The following ADGRB3 variants were observed in gnomAD, a reference collection of about 807,000 sequenced individuals.
ADGRB3 encodes the protein adhesion G protein-coupled receptor B3.
Under a neutral mutation model 193.4 loss-of-function variants are expected in ADGRB3, and 37 were observed. The ratio of observed to expected loss-of-function variants is 0.19; its 90% CI spans 0.15 to 0.25. The LOEUF is 0.25. Ranked by LOEUF, ADGRB3 falls within the 10% of genes least tolerant of loss-of-function variation. The probability of loss-of-function intolerance (pLI) is 1.00; values close to 1 mark genes in which losing one functional copy is unlikely to be tolerated. For missense variants in ADGRB3, 1,637 were observed against 1,852.9 expected, an observed-to-expected ratio of 0.88 and a Z score of 2.14; for synonymous variants, 690 against 644.2, an observed-to-expected ratio of 1.07 and a Z score of -1.08.
intron 20 of ADGRB3, among the ~76,000 whole-genome samples, chr6:69,255,611 C>T (rs545424238): frequency 1.3e-5 from 2 of 152,098 alleles, no homozygotes; most frequent in Non-Finnish European, 2.9e-5. Context: ...AGCCCTTTTT[C>T]AGATGAGTAG....
At chr6:69,166,778 C>T (rs1004467478) in intron 17 of ADGRB3, among the ~76,000 whole-genome samples, 1 of 152,084 alleles carries the variant, frequency 6.6e-6, no homozygotes, top group African/African-American at 2.4e-5. Context: ...CTGTATCCTT[C>T]CATCTTCATT....
At chr6:69,373,425 G>A (rs759496710) in intron 30 of ADGRB3, among the ~76,000 whole-genome samples, 34 of 151,968 alleles carry the variant, frequency 2.2e-4, no homozygotes, top group Non-Finnish European at 3.7e-4. Flanking sequence ...ACCCTGAATG[G>A]AGTCCAAGGA....
intron 7 of ADGRB3, among the ~76,000 whole-genome samples, 162 bp from the exon 8 acceptor site, chr6:68,956,483 C>A (rs756525621): frequency 6.6e-6 from 1 of 152,060 alleles, no homozygotes; most frequent in African/African-American, 2.4e-5. Flanking sequence ...CACTGTTCTT[C>A]GCAATGCTCT....
intron 3 of ADGRB3, among the ~76,000 whole-genome samples, chr6:68,663,055 T>C (rs1768707725): frequency 1.3e-5 from 2 of 151,366 alleles, no homozygotes; most frequent in Non-Finnish European, 3.0e-5. Flanking sequence ...TTCAACAATA[T>C]TATATGGAAA....
At chr6:68,746,795 T>G (rs1280914704) in intron 3 of ADGRB3, among the ~76,000 whole-genome samples, 1 of 152,204 alleles carries the variant, frequency 6.6e-6, no homozygotes, top group Admixed American at 6.5e-5. Context: ...TTATTTTATT[T>G]AATATTGTTT....
At chr6:68,794,510 A>G (rs1296789398) in intron 3 of ADGRB3, among the ~76,000 whole-genome samples, 3 of 152,114 alleles carry the variant, frequency 2.0e-5, no homozygotes, top group African/African-American at 7.2e-5. Flanking sequence ...TAACATATTG[A>G]GCTTATATTA....
At chr6:68,687,269 G>A (rs756521599) in intron 3 of ADGRB3, among the ~76,000 whole-genome samples, 4 of 151,836 alleles carry the variant, frequency 2.6e-5, no homozygotes, top group Admixed American at 6.6e-5. Flanking sequence ...TTCATATCAC[G>A]TATTTTTCTT....
intron 17 of ADGRB3, among the ~76,000 whole-genome samples, chr6:69,090,973 A>T (rs1772688294): frequency 6.6e-6 from 1 of 152,180 alleles, no homozygotes; most frequent in Non-Finnish European, 1.5e-5. Context: ...TATATTTAAA[A>T]ATGCCTTCCA....
At chr6:68,929,767 T>C (rs1426728669) in intron 3 of ADGRB3, among the ~76,000 whole-genome samples, 1 of 152,158 alleles carries the variant, frequency 6.6e-6, no homozygotes, top group African/African-American at 2.4e-5. Flanking sequence ...AAATATGTTA[T>C]ATGGAAGGTA....
intron 3 of ADGRB3, among the ~76,000 whole-genome samples, chr6:68,643,433 T>G (rs1332181778): frequency 2.2e-5 from 3 of 136,084 alleles, no homozygotes; most frequent in African/African-American, 8.5e-5. Context: ...ACACTCTTCA[T>G]CTTCCTTTTT....
chr6:68,646,842 G>C (rs913812799), intron 3 of ADGRB3, among the ~76,000 whole-genome samples: 1 of 152,112 alleles, frequency 6.6e-6, no homozygotes, highest in Non-Finnish European at 1.5e-5. Context: ...GGTAACATTG[G>C]TTTAAAAACA....
chr6:69,387,696 G>A (rs1328735), intron 31 of ADGRB3, among the ~76,000 whole-genome samples: 61,549 of 151,786 alleles, frequency 0.41, 13,712 homozygotes, highest in East Asian at 0.77. Context: ...CACTGCACAT[G>A]GTTTAGGTAT....
chr6:68,861,929 A>G (rs1445117181), intron 3 of ADGRB3, among the ~76,000 whole-genome samples: 2 of 152,190 alleles, frequency 1.3e-5, no homozygotes, highest in African/African-American at 4.8e-5. Flanking sequence ...CTGACATTTT[A>G]TAAGAGCTAG....
At chr6:68,672,462 T>G (rs1236313940) in intron 3 of ADGRB3, among the ~76,000 whole-genome samples, 1 of 152,066 alleles carries the variant, frequency 6.6e-6, no homozygotes, top group Non-Finnish European at 1.5e-5. Flanking sequence ...TATGTTATGT[T>G]TCCACTAACA....
intron 3 of ADGRB3, among the ~76,000 whole-genome samples, chr6:68,920,232 C>T (rs1351495762): frequency 1.3e-5 from 2 of 151,898 alleles, no homozygotes; most frequent in Non-Finnish European, 2.9e-5. Flanking sequence ...TCCTAAAAAG[C>T]GGGGGCCAGG....
intron 3 of ADGRB3, among the ~76,000 whole-genome samples, chr6:68,774,828 C>CT (rs959246113): frequency 6.6e-6 from 1 of 151,950 alleles, no homozygotes; most frequent in African/African-American, 2.4e-5. Flanking sequence ...ATCAATAAGT[C>CT]TATCACAGAA....
intron 3 of ADGRB3, among the ~76,000 whole-genome samples, chr6:68,736,412 T>G (rs1474111407): frequency 6.6e-6 from 1 of 152,190 alleles, no homozygotes; most frequent in Non-Finnish European, 1.5e-5. Context: ...GCACTCTACT[T>G]ATCTGCAATT....
chr6:69,048,256 G>A lies in ADGRB3; in HGVS notation c.2179G>A (p.Gly727Arg). The A allele has an allele frequency of 6.2e-7, 1 of 1,613,628 alleles. No homozygotes were observed. Among genetic ancestry groups the A allele is most frequent in the Non-Finnish European group, 8.5e-7 (1 of 1,179,708 alleles). Residue 727 changes from glycine to arginine, a missense_variant, in exon 14 of 32, where the codon GGA (glycine) becomes AGA (arginine). This residue lies in a region of ADGRB3 where 641 missense variants were observed against 673.9 expected (regional missense o/e 0.95). Transcript: ENST00000370598. The part of the protein sequence containing the change: ...DINFPMKGRK[G>R]MVDWARNSED... ...CAACTTTCCAATGAAAGGACGGAAGGGAATGGTTGACTGGGCAAGAAACTC... is the reference window on the plus strand; with the variant it reads ...CAACTTTCCAATGAAAGGACGGAAGAGAATGGTTGACTGGGCAAGAAACTC...
chr6:68,964,125 A>C (rs968632861), intron 8 of ADGRB3, among the ~76,000 whole-genome samples: 10 of 152,232 alleles, frequency 6.6e-5, no homozygotes, highest in Non-Finnish European at 1.0e-4. Flanking sequence ...TTACTGGAAG[A>C]ACATTTCTAT....
Sources: allele counts gnomAD v4.1 joint callset (sites outside exome capture counted in the v4.1 genomes callset), GRCh38; gene constraint gnomAD v4.1.1; regional missense constraint gnomAD v4.1.1; transcripts MANE v1.5; gene names NCBI Gene and HGNC (gene_info 2026-07-23, HGNC 2026-07-21).